SPRR2G: variants seen among roughly 807,000 people sequenced by gnomAD.
SPRR2G encodes small proline rich protein 2G, also known as small proline-rich protein 2G.
SPRR2G carries 1 observed loss-of-function variant against 0.7 expected under a neutral mutation model. That is an observed-to-expected ratio of 1.49 (90% CI 0.53 to 7.06). SPRR2G has a LOEUF of 7.06. Ranked by LOEUF, SPRR2G falls within the 30% of genes most tolerant of loss-of-function variation. The pLI is 0.14. For synonymous variants in SPRR2G, 38 were observed against 33.9 expected, an observed-to-expected ratio of 1.12 and a Z score of -0.42; for missense variants, 96 against 88.5, an observed-to-expected ratio of 1.09 and a Z score of -0.34.
At chr1:153,174,275 A>G in the SPRR2G span, among the ~76,000 whole-genome samples, 9 of 152,366 alleles carry the variant, frequency 5.9e-5, no homozygotes, top group African/African-American at 1.9e-4. Flanking sequence ...TATTAATTAC[A>G]AACAACAAAA....
At chr1:153,155,874 C>G (rs1656573784), upstream of SPRR2G, among the ~76,000 whole-genome samples, 1 of 152,170 alleles carries the variant, frequency 6.6e-6, no homozygotes, top group Non-Finnish European at 1.5e-5. Context: ...TTCCTGGATC[C>G]CTCCTATTAG....
the SPRR2G span, among the ~76,000 whole-genome samples, chr1:153,188,139 C>A: frequency 1.3e-5 from 2 of 152,192 alleles, no homozygotes; most frequent in Admixed American, 1.3e-4. Flanking sequence ...AGGTATCTGT[C>A]GACCACTCCT....
chr1:153,177,714 C>A, the SPRR2G span, among the ~76,000 whole-genome samples: 1 of 151,924 alleles, frequency 6.6e-6, no homozygotes, highest in Non-Finnish European at 1.5e-5. Context: ...ATTCATACAC[C>A]AAAACCACAC....
At chr1:153,165,203 C>T in the SPRR2G span, among the ~76,000 whole-genome samples, 140 of 118,618 alleles carry the variant, frequency 1.2e-3, 3 homozygotes, top group East Asian at 0.027. Context: ...GATGGATGGA[C>T]GGACGGATGG....
chr1:153,167,730 AT>A, the SPRR2G span, among the ~76,000 whole-genome samples: 5 of 152,312 alleles, frequency 3.3e-5, no homozygotes, highest in African/African-American at 1.2e-4. Flanking sequence ...AAGCCAAAAT[AT>A]GTAAACTTAC....
the SPRR2G span, among the ~76,000 whole-genome samples, chr1:153,168,060 A>G: frequency 3.3e-5 from 5 of 152,212 alleles, no homozygotes; most frequent in East Asian, 9.6e-4. Context: ...GTCTCCATCA[A>G]AGAAGAATCT....
chr1:153,185,353 T>TTG, the SPRR2G span, among the ~76,000 whole-genome samples: 1 of 150,050 alleles, frequency 6.7e-6, no homozygotes, highest in African/African-American at 2.5e-5. Flanking sequence ...TTTTTTTTTT[T>TTG]TGTGGTTAGT....
the SPRR2G span, among the ~76,000 whole-genome samples, chr1:153,188,732 T>G: frequency 7.9e-5 from 12 of 152,226 alleles, no homozygotes; most frequent in African/African-American, 2.6e-4. Context: ...GAAAAAAAAC[T>G]CCTGCAGCTA....
the SPRR2G span, among the ~76,000 whole-genome samples, chr1:153,164,923 A>T: frequency 1.3e-5 from 2 of 152,110 alleles, no homozygotes; most frequent in African/African-American, 4.8e-5. Flanking sequence ...TAACTTCTAC[A>T]CACTTCTCTC....
the SPRR2G span, among the ~76,000 whole-genome samples, chr1:153,187,272 T>A: frequency 6.6e-6 from 1 of 152,222 alleles, no homozygotes. Flanking sequence ...AAAGTTCTCC[T>A]CGATAACATC....
the SPRR2G span, among the ~76,000 whole-genome samples, chr1:153,185,129 A>T: frequency 6.6e-6 from 1 of 151,988 alleles, no homozygotes; most frequent in East Asian, 1.9e-4. Context: ...GAGGATTTTC[A>T]CATCGATGTT....
the SPRR2G span, among the ~76,000 whole-genome samples, chr1:153,162,709 G>A: frequency 6.6e-6 from 1 of 152,130 alleles, no homozygotes; most frequent in Non-Finnish European, 1.5e-5. Flanking sequence ...GACCACCTCA[G>A]ACTTCCAGCT....
the SPRR2G span, among the ~76,000 whole-genome samples, chr1:153,161,642 C>T: frequency 2.0e-5 from 3 of 152,120 alleles, no homozygotes; most frequent in Admixed American, 6.5e-5. Context: ...TCATCTATAA[C>T]TTGCATTAAA....
upstream of SPRR2G, among the ~76,000 whole-genome samples, chr1:153,152,057 A>G (rs747141879): frequency 3.9e-5 from 6 of 152,256 alleles, no homozygotes; most frequent in Non-Finnish European, 7.3e-5. Context: ...AAACAGAAAT[A>G]AAAAATACAC....
the SPRR2G span, among the ~76,000 whole-genome samples, chr1:153,185,657 C>A: frequency 6.6e-6 from 1 of 151,948 alleles, no homozygotes; most frequent in Non-Finnish European, 1.5e-5. Flanking sequence ...TTAATCTTTT[C>A]AAAAAACCAG....
chr1:153,165,510 G>A, the SPRR2G span, among the ~76,000 whole-genome samples: 2 of 152,198 alleles, frequency 1.3e-5, no homozygotes, highest in Non-Finnish European at 2.9e-5. Flanking sequence ...GCTCCTCAGA[G>A]GCATCAAATA....
chr1:153,161,588 T>G, the SPRR2G span, among the ~76,000 whole-genome samples: 4 of 152,320 alleles, frequency 2.6e-5, no homozygotes, highest in African/African-American at 7.2e-5. Context: ...GCAGCCCCAC[T>G]TGTCTACTTT....
At chr1:153,168,597 G>A in the SPRR2G span, among the ~76,000 whole-genome samples, 157 of 151,898 alleles carry the variant, frequency 1.0e-3, no homozygotes, top group Non-Finnish European at 1.5e-4. Context: ...TATATTATCC[G>A]AAATTCTTAA....
At chr1:153,164,700 A>C in the SPRR2G span, among the ~76,000 whole-genome samples, 1 of 152,186 alleles carries the variant, frequency 6.6e-6, no homozygotes, top group African/African-American at 2.4e-5. Flanking sequence ...ACATCACTTC[A>C]TTGTGTGGGG....
Sources: allele counts gnomAD v4.1 joint callset (sites outside exome capture counted in the v4.1 genomes callset), GRCh38; gene constraint gnomAD v4.1.1; transcripts MANE v1.5; gene names NCBI Gene and HGNC (gene_info 2026-07-23, HGNC 2026-07-21).